Variants in TMEM135 observed in about 807,000 individuals in gnomAD.
The protein encoded by TMEM135 is peroxisomal membrane protein 52.
In TMEM135, 30 loss-of-function variants were observed where a neutral mutation model predicts 60.3. The observed-to-expected ratio is 0.50, with a 90% CI of 0.37 to 0.68. The LOEUF is 0.68. Ranked by LOEUF, TMEM135 falls within the 30% of genes least tolerant of loss-of-function variation. The pLI is 0.00. For missense variants in TMEM135, 468 were observed against 548.8 expected, an observed-to-expected ratio of 0.85 and a Z score of 1.47; for synonymous variants, 190 against 186.7, an observed-to-expected ratio of 1.02 and a Z score of -0.14.
At chr11:87,109,070 G>C (rs1010252940) in intron 4 of TMEM135, among the ~76,000 whole-genome samples, 2 of 152,200 alleles carry the variant, frequency 1.3e-5, no homozygotes, top group Admixed American at 6.5e-5. Flanking sequence ...GGGTGAGAGA[G>C]AGTACAAAGG....
At chr11:87,128,201 C>T (rs952302418) in intron 4 of TMEM135, among the ~76,000 whole-genome samples, 1 of 152,168 alleles carries the variant, frequency 6.6e-6, no homozygotes, top group African/African-American at 2.4e-5. Flanking sequence ...AACTACAGCC[C>T]TTCTATACCT....
At chr11:87,226,083 T>C (rs1408248321) in intron 5 of TMEM135, among the ~76,000 whole-genome samples, 1 of 152,108 alleles carries the variant, frequency 6.6e-6, no homozygotes, top group Non-Finnish European at 1.5e-5. Context: ...GAATTGCATT[T>C]TTAATTATAA....
intron 4 of TMEM135, among the ~76,000 whole-genome samples, chr11:87,125,421 T>A (rs1390147846): frequency 6.6e-6 from 1 of 152,162 alleles, no homozygotes. Context: ...TTGAGTACAC[T>A]CCGAATGATG....
chr11:87,143,270 T>C (rs1017053808), intron 4 of TMEM135, among the ~76,000 whole-genome samples: 8 of 152,112 alleles, frequency 5.3e-5, no homozygotes, highest in African/African-American at 9.6e-5. Context: ...CTTTTGAGCA[T>C]ATTTATAAAA....
At chr11:87,299,845 C>T (rs116108367) in intron 7 of TMEM135, among the ~76,000 whole-genome samples, 5,303 of 152,198 alleles carry the variant, frequency 0.035, 88 homozygotes, top group Admixed American at 0.046. Flanking sequence ...AGGAAATTTG[C>T]ACAAAATTAC....
chr11:87,171,569 A>G (rs1939237950), intron 5 of TMEM135, among the ~76,000 whole-genome samples: 1 of 152,194 alleles, frequency 6.6e-6, no homozygotes, highest in Non-Finnish European at 1.5e-5. Flanking sequence ...TCTGCATGTC[A>G]GTAGACTTTA....
At chr11:87,320,952 T>C (rs994230364) in intron 14 of TMEM135, among the ~76,000 whole-genome samples, 5 of 152,114 alleles carry the variant, frequency 3.3e-5, no homozygotes, top group Non-Finnish European at 5.9e-5. Context: ...TTGTAATCTC[T>C]GCGGTTTCAG....
chr11:87,276,720 T>G (rs949926043), intron 6 of TMEM135, among the ~76,000 whole-genome samples: 1 of 148,432 alleles, frequency 6.7e-6, no homozygotes, highest in Non-Finnish European at 1.5e-5. Flanking sequence ...CCAGGCTGTA[T>G]CGCGGTAGCG....
intron 5 of TMEM135, among the ~76,000 whole-genome samples, chr11:87,166,189 A>G (rs1939040974): frequency 6.6e-6 from 1 of 151,398 alleles, no homozygotes; most frequent in South Asian, 2.1e-4. Flanking sequence ...TTTCTTGTAA[A>G]TTTATTTAAG....
At chr11:87,295,938 A>T in intron 7 of TMEM135, 115 bp downstream of exon 7, 1 of 870,514 alleles carries the variant, frequency 1.1e-6, no homozygotes, top group Non-Finnish European at 1.8e-6. Context: ...TAATTTTAGA[A>T]TTCACAAAAG....
At chr11:87,297,617 A>C (rs959944311) in intron 7 of TMEM135, among the ~76,000 whole-genome samples, 4 of 152,242 alleles carry the variant, frequency 2.6e-5, no homozygotes, top group Non-Finnish European at 5.9e-5. Context: ...GCAAAAACTT[A>C]AAATGTGTCA....
chr11:87,044,598 CTAAA>C (rs1949778440), intron 1 of TMEM135, among the ~76,000 whole-genome samples: 2 of 152,048 alleles, frequency 1.3e-5, no homozygotes, highest in Non-Finnish European at 2.9e-5. Context: ...TTTTCAATAA[CTAAA>C]TGATTTTTAC....
At chr11:87,147,341 A>C (rs1250835279) in intron 4 of TMEM135, among the ~76,000 whole-genome samples, 1 of 152,036 alleles carries the variant, frequency 6.6e-6, no homozygotes, top group Non-Finnish European at 1.5e-5. Flanking sequence ...CAAACAAACA[A>C]ACAAAACTTT....
chr11:87,228,322 G>C (rs1468980789), intron 5 of TMEM135, among the ~76,000 whole-genome samples: 2 of 152,120 alleles, frequency 1.3e-5, no homozygotes, highest in East Asian at 1.9e-4. Flanking sequence ...GATCATGAAG[G>C]CTCCTGAATC....
At chr11:87,096,026 G>T (rs536794186) in intron 4 of TMEM135, 2 of 215,268 alleles carry the variant, frequency 9.3e-6, no homozygotes, top group South Asian at 8.2e-5. Context: ...ATACTTTCTT[G>T]TGTCTGCCAA....
chr11:87,324,212 G>T lies in TMEM135; in HGVS notation c.*2879G>T, dbSNP rs1305557367. On this transcript the variant is annotated 3_prime_UTR_variant, in exon 15 of 15. Coordinates refer to ENST00000305494, the MANE Select transcript of TMEM135 (RefSeq NM_022918.4). ...TATTTTATCATATCCCTGAGCTTCTGTGTGCTCTACATTTCATAGGTAATG... is the reference window on the plus strand; with the variant it reads ...TATTTTATCATATCCCTGAGCTTCTTTGTGCTCTACATTTCATAGGTAATG... 1 of 453,866 alleles carries T rather than the reference G, an allele frequency of 2.2e-6. No homozygotes were observed. The highest frequency in any genetic ancestry group is 2.0e-5 in the African/African-American group (1 of 49,962). 28.1% of individuals were successfully genotyped at this position (453,866 alleles called of 1,614,324 possible). A position where few individuals can be genotyped will look rare whatever the true frequency, so the allele number is the denominator to read the frequency against.
intron 5 of TMEM135, among the ~76,000 whole-genome samples, chr11:87,163,188 T>G (rs1336696815): frequency 2.8e-5 from 2 of 71,318 alleles, no homozygotes; most frequent in South Asian, 6.0e-4. Flanking sequence ...CCCTCCCCCC[T>G]CCCCCGACCC....
chr11:87,229,013 A>G (rs1294489146), intron 5 of TMEM135, among the ~76,000 whole-genome samples: 4 of 152,164 alleles, frequency 2.6e-5, no homozygotes, highest in African/African-American at 4.8e-5. Context: ...TATAACAGGA[A>G]ACAATATATT....
chr11:87,047,303 T>C (rs1036903578), intron 1 of TMEM135, among the ~76,000 whole-genome samples: 7 of 151,928 alleles, frequency 4.6e-5, no homozygotes, highest in Admixed American at 3.3e-4. Context: ...AAAGTGTATT[T>C]TGGGAGGAGC....
Sources: allele counts gnomAD v4.1 joint callset (sites outside exome capture counted in the v4.1 genomes callset), GRCh38; gene constraint gnomAD v4.1.1; transcripts MANE v1.5; gene names NCBI Gene and HGNC (gene_info 2026-07-23, HGNC 2026-07-21).